SASH3: variants seen among roughly 807,000 people sequenced by gnomAD.
SASH3 encodes SAM and SH3 domain containing 3, also known as SAM and SH3 domain-containing protein 3.
In SASH3, 7 loss-of-function variants were observed where a neutral mutation model predicts 26.1. The ratio of observed to expected loss-of-function variants is 0.27; its 90% confidence interval spans 0.15 to 0.50. The LOEUF is 0.50. Among genes scored for constraint, SASH3 ranks in the 20% least tolerant of loss-of-function variants. SASH3 has a pLI of 0.98. For synonymous variants in SASH3, 138 were observed against 136.8 expected (o/e 1.01, Z -0.06); for missense variants, 231 against 318.3 (o/e 0.73, Z 2.09).
At position 129,780,078 on chromosome X, in the gene SASH3, G is replaced by A. The variant is rs758632877; in HGVS notation, c.-20G>A. 6 of 1,207,612 alleles carry A rather than the reference G, an allele frequency of 5.0e-6. 1 individual carries two copies. The South Asian group carries it at 1.1e-4, about 21-fold the overall frequency. ...TGACACCTAGGAGAGCAGGGACGGAGTCTCCCAGGGTGGAGGACCATGCTG... is the reference window on the plus strand; with the variant it reads ...TGACACCTAGGAGAGCAGGGACGGAATCTCCCAGGGTGGAGGACCATGCTG... On this transcript the variant is annotated 5_prime_UTR_variant, in exon 1 of 8. Transcript: ENST00000356892.
At chrX:129,790,002 G>C (rs767246592) in intron 3 of SASH3, among the ~76,000 whole-genome samples, 1 of 112,252 alleles carries the variant, frequency 8.9e-6, no homozygotes. Flanking sequence ...TCAGGAGGAC[G>C]AGGCAAGATG....
Position 129,780,029 on chromosome X carries a change from G to A in SASH3, c.-69G>A. On this transcript the variant is annotated 5_prime_UTR_variant, in exon 1 of 8. Transcript: ENST00000356892. ...CGTGCCCCCGGGCAGTTCTGGTGAG[G>A]CTAAGCAAGAGGCCTCTGCATCTTG... The A allele has an allele frequency of 9.0e-7, 1 of 1,106,956 alleles. No homozygotes were observed. 91.2% of individuals were successfully genotyped at this position (1,106,956 alleles called of 1,213,427 possible). A position where few individuals can be genotyped will look rare whatever the true frequency, so the allele number is the denominator to read the frequency against.
At chrX:129,784,087 A>G (rs1927064041) in intron 1 of SASH3, among the ~76,000 whole-genome samples, 1 of 109,019 alleles carries the variant, frequency 9.2e-6, no homozygotes, top group Non-Finnish European at 1.9e-5. Flanking sequence ...CCTGCCAGTT[A>G]CTACACCCCC....
At chrX:129,787,828 G>A (rs914799263) in intron 1 of SASH3, 147 bp from the exon 2 acceptor site, 1 of 471,239 alleles carries the variant, frequency 2.1e-6, no homozygotes, top group African/African-American at 2.4e-5. Flanking sequence ...AGAACATCGA[G>A]GTGCGTCACC....
rs548322002 is a variant in SASH3 at position 129,794,743 on chromosome X, C to T, written c.*911C>T. 1.8e-5 allele frequency: 2 copies of T among 111,624 alleles called. No homozygotes were observed. Among genetic ancestry groups the T allele is most frequent in the African/African-American group, 3.3e-5 (1 of 30,663 alleles). 9.2% of individuals were successfully genotyped at this position (111,624 alleles called of 1,213,427 possible). ...TGGCCCCCTCAAACGAGACTTCTCA[C>T]AAGGCTGATTACAGATGGTCAAACC... On this transcript the variant is annotated 3_prime_UTR_variant, in exon 8 of 8. Coordinates refer to ENST00000356892, the MANE Select transcript of SASH3 (RefSeq NM_018990.4).
At chrX:129,789,101 CAAAA>C (rs1247572106) in intron 3 of SASH3, among the ~76,000 whole-genome samples, 452 of 23,321 alleles carry the variant, frequency 0.019, 39 homozygotes, top group East Asian at 0.052. Flanking sequence ...GACTCTGTCT[CAAAA>C]AAAAAAAGAA....
At chrX:129,793,357 C>G in intron 7 of SASH3, among the ~76,000 whole-genome samples, 1 of 112,486 alleles carries the variant, frequency 8.9e-6, no homozygotes, top group South Asian at 3.6e-4. Flanking sequence ...CAAAGGGGAC[C>G]CTTAAGGCCA....
chrX:129,788,137 G>GGGGTGGGT, intron 2 of SASH3, 67 bp downstream of exon 2: 2 of 354,263 alleles, frequency 5.6e-6, no homozygotes, highest in Non-Finnish European at 1.1e-5. Flanking sequence ...GGGTGGGAGG[G>GGGGTGGGT]AAGAGGGTGA....
intron 4 of SASH3, 73 bp from the exon 5 acceptor site, chrX:129,792,255 A>C (rs1927244180): frequency 9.0e-7 from 1 of 1,105,573 alleles, no homozygotes; most frequent in Non-Finnish European, 1.2e-6. Context: ...GGTCCCCTGG[A>C]AGGCACCTGC....
At chrX:129,792,858 G>A (rs201422419) in intron 6 of SASH3, 22 bp downstream of exon 6, 12 of 1,176,546 alleles carry the variant, frequency 1.0e-5, no homozygotes, top group Non-Finnish European at 1.4e-5. Flanking sequence ...GTCCTCACTA[G>A]TATCTAGTAT....
At chrX:129,793,264 AC>A (rs1927265913) in intron 7 of SASH3, 125 bp downstream of exon 7, 1 of 749,867 alleles carries the variant, frequency 1.3e-6, no homozygotes, top group African/African-American at 2.1e-5. Flanking sequence ...GTGGAAAGGT[AC>A]TTTCCACTTG....
chrX:129,793,949 C>T lies in SASH3; in HGVS notation c.*117C>T. On this transcript the variant is annotated 3_prime_UTR_variant, in exon 8 of 8. Coordinates refer to ENST00000356892, the MANE Select transcript of SASH3 (RefSeq NM_018990.4). ...TGGCACTGAGCCTGGCCCTGCTTCC[C>T]CAGGGACACTTAGGGCCACAGAGGC... The T allele has an allele frequency of 1.4e-6, 1 of 726,122 alleles. No homozygotes were observed. The allele number at this position is 726,122 out of a possible 1,213,427, so 59.8% of individuals were successfully genotyped here.
At chrX:129,785,707 T>C (rs888322342) in intron 1 of SASH3, among the ~76,000 whole-genome samples, 6 of 112,139 alleles carry the variant, frequency 5.4e-5, no homozygotes, top group Non-Finnish European at 1.1e-4. Flanking sequence ...CCCTCCTGCT[T>C]GCTTTCCAGC....
Position 129,795,088 on chromosome X carries a change from C to T in SASH3, c.*1256C>T, listed in dbSNP as rs1453623427. The T allele has an allele frequency of 6.3e-5, 7 of 111,545 alleles. No individual in the cohort carries two copies. Among genetic ancestry groups the T allele is most frequent in the Admixed American group, 1.9e-4 (2 of 10,451 alleles). 9.2% of individuals were successfully genotyped at this position (111,545 alleles called of 1,213,427 possible). On this transcript the variant is annotated 3_prime_UTR_variant, in exon 8 of 8. Coordinates refer to ENST00000356892, the MANE Select transcript of SASH3 (RefSeq NM_018990.4). ...GACTGCCGGCTAAGTGGACACACTT[C>T]TTGACCTCCTACCAGGAACTTTGGT...
intron 3 of SASH3, among the ~76,000 whole-genome samples, chrX:129,788,869 G>C (rs1927159127): frequency 9.1e-6 from 1 of 110,488 alleles, no homozygotes; most frequent in African/African-American, 3.3e-5. Context: ...CACTTTGGGA[G>C]ACTGGGGCCG....
chrX:129,789,174 A>G (rs867201112), intron 3 of SASH3, among the ~76,000 whole-genome samples: 1,821 of 107,044 alleles, frequency 0.017, 52 homozygotes, highest in African/African-American at 0.057. Flanking sequence ...AGAGAAAAAA[A>G]AAAAAAAGAA....
intron 1 of SASH3, among the ~76,000 whole-genome samples, chrX:129,782,851 G>A (rs1333176049): frequency 8.9e-6 from 1 of 111,896 alleles, no homozygotes; most frequent in Non-Finnish European, 1.9e-5. Flanking sequence ...AAGGATTGGA[G>A]AGGCCCCAGG....
intron 2 of SASH3, 125 bp from the exon 3 acceptor site, chrX:129,788,306 G>A (rs1288016030): frequency 4.4e-6 from 3 of 687,224 alleles, no homozygotes; most frequent in Non-Finnish European, 6.7e-6. Context: ...AAGAGGGGAG[G>A]GGATGGGGGC....
chrX:129,783,969 A>T (rs986457629), intron 1 of SASH3, among the ~76,000 whole-genome samples: 6 of 111,643 alleles, frequency 5.4e-5, no homozygotes, highest in Non-Finnish European at 1.1e-4. Flanking sequence ...AAGTGGATAA[A>T]TCATAATTGC....
Sources: gnomAD v4.1 joint callset for allele counts (sites outside exome capture counted in the v4.1 genomes callset) on GRCh38, gnomAD v4.1.1 for gene constraint, MANE v1.5 for transcripts, NCBI Gene and HGNC (gene_info 2026-07-23, HGNC 2026-07-21) for gene names.